The following UGT3A1 variants were observed in gnomAD, a reference collection of about 807,000 sequenced individuals.
The protein encoded by UGT3A1 is UDP-glycosyltransferase 3A1.
Under a neutral mutation model 37.6 loss-of-function variants are expected in UGT3A1, and 40 were observed. That is an observed-to-expected ratio of 1.06 (90% CI 0.83 to 1.38). The LOEUF (loss-of-function observed/expected upper bound fraction) is 1.38. Among genes scored for constraint, UGT3A1 ranks in the 40% most tolerant of loss-of-function variants. The pLI is 0.00. For missense variants in UGT3A1, 642 were observed against 634.2 expected, an observed-to-expected ratio of 1.01 and a Z score of -0.13; for synonymous variants, 256 against 232.3, an observed-to-expected ratio of 1.10 and a Z score of -0.93.
chr5:35,989,204 A>G (rs1463238422), intron 1 of UGT3A1, among the ~76,000 whole-genome samples: 4 of 152,210 alleles, frequency 2.6e-5, no homozygotes, highest in African/African-American at 9.6e-5. Context: ...ACAACTGTGG[A>G]GCCCTTGGGG....
Position 35,965,723 on chromosome 5 carries a change from G to A in UGT3A1, c.506C>T (p.Thr169Ile), listed in dbSNP as rs1739779730. The change falls in exon 4 of 7, where the codon ACA (threonine) becomes ATA (isoleucine). Residue 169 changes from threonine to isoleucine, a missense_variant. By Grantham distance (89) the Thr-to-Ile change is moderately conservative. Transcript: ENST00000274278. ...VKPFVAILPTTFGSLDFGLPS... is the reference protein window; with the variant it reads ...VKPFVAILPTIFGSLDFGLPS... Reference sequence around the variant, plus strand: ...TAGCCCAAAATCCAAAGAGCCGAATGTGGTGGGAAGAATGGCCACAAATGG... The same window carrying A: ...TAGCCCAAAATCCAAAGAGCCGAATATGGTGGGAAGAATGGCCACAAATGG... 6.2e-7 allele frequency: 1 copy of A among 1,614,244 alleles called. No homozygotes were observed. Among genetic ancestry groups the A allele is most frequent in the Non-Finnish European group, 8.5e-7 (1 of 1,180,042 alleles).
At chr5:35,981,021 G>A (rs975009808) in intron 2 of UGT3A1, among the ~76,000 whole-genome samples, 1 of 152,162 alleles carries the variant, frequency 6.6e-6, no homozygotes, top group African/African-American at 2.4e-5. Flanking sequence ...TTTCTGGTCA[G>A]GAGAAGAAAA....
chr5:35,969,743 A>G (rs1416805313), intron 2 of UGT3A1, among the ~76,000 whole-genome samples: 4 of 152,172 alleles, frequency 2.6e-5, no homozygotes, highest in Non-Finnish European at 5.9e-5. Context: ...AATAACCTTA[A>G]TCAACAATTG....
At position 35,953,953 on chromosome 5, in the gene UGT3A1, A is replaced by C. The variant is rs1012991980; in HGVS notation, c.*249T>G. On this transcript the variant is annotated 3_prime_UTR_variant, in exon 7 of 7. Transcript: ENST00000274278. ...GAGTCCTGTGTCTAGGAAAAGGGAG[A>C]AAGGAGGAGGCAGGGCTGGCAGGTG... 8 of 460,350 alleles carry C rather than the reference A, an allele frequency of 1.7e-5. No individual in the cohort carries two copies. Among genetic ancestry groups the C allele is most frequent in the Non-Finnish European group, 3.1e-5 (8 of 256,222 alleles). The allele number at this position is 460,350 out of a possible 1,614,324, so 28.5% of individuals were successfully genotyped here.
chr5:35,965,054 T>C (rs1739742897), intron 4 of UGT3A1, among the ~76,000 whole-genome samples: 1 of 152,256 alleles, frequency 6.6e-6, no homozygotes, highest in Admixed American at 6.5e-5. Context: ...TAATGGGCAC[T>C]AACTACGTAT....
intron 2 of UGT3A1, among the ~76,000 whole-genome samples, chr5:35,970,390 C>CA (rs56062143): frequency 0.013 from 1,752 of 131,896 alleles, 33 homozygotes; most frequent in South Asian, 0.058. Flanking sequence ...GACTCCATCT[C>CA]AAAAAAAAAA....
At position 35,965,491 on chromosome 5, in the gene UGT3A1, C is replaced by T. The variant is rs773952661; in HGVS notation, c.738G>A (p.Leu246=). Residue 246 remains leucine, a synonymous_variant, in exon 4 of 7, where the codon TTG becomes TTA. Transcript: ENST00000274278. ...VLSHLLLKAE[L]WFVNSDFAFD... is the part of the protein sequence containing the mutation. Reference sequence around the variant, plus strand: ...AGGCAAAATCAGAGTTAACAAACCACAACTCTGCTTTCAGTAGAAGATGAG... The same window carrying T: ...AGGCAAAATCAGAGTTAACAAACCATAACTCTGCTTTCAGTAGAAGATGAG... 1.3e-5 allele frequency: 21 copies of T among 1,614,220 alleles called. No individual in the cohort carries two copies. The Middle Eastern group carries it at 1.5e-3, about 114-fold the overall frequency.
rs553521981 is a variant in UGT3A1 at position 35,966,063 on chromosome 5, C to T, written c.312-146G>A. On this transcript the variant is annotated intron_variant, in intron 3 of 6. Transcript: ENST00000274278. Reference sequence around the variant, plus strand: ...CCATTCTACAATGTTTCAACAAATACTCTCAGCTCTGGTCACTCTGGTCCA... The same window carrying T: ...CCATTCTACAATGTTTCAACAAATATTCTCAGCTCTGGTCACTCTGGTCCA... 2.5e-5 allele frequency: 16 copies of T among 637,878 alleles called. No homozygotes were observed. In the East Asian group the frequency reaches 4.8e-4, roughly 19 times the overall value. 39.5% of individuals were successfully genotyped at this position (637,878 alleles called of 1,614,324 possible). A position where few individuals can be genotyped will look rare whatever the true frequency, so the allele number is the denominator to read the frequency against.
intron 1 of UGT3A1, among the ~76,000 whole-genome samples, chr5:35,997,796 C>T (rs4616927): frequency 0.36 from 54,952 of 152,122 alleles, 10,046 homozygotes; most frequent in South Asian, 0.55. Context: ...TGTTCAGACA[C>T]ACTGTCTTCC....
chr5:35,964,366 G>T (rs1033717829), intron 4 of UGT3A1, among the ~76,000 whole-genome samples: 3 of 151,856 alleles, frequency 2.0e-5, no homozygotes, highest in Admixed American at 2.0e-4. Context: ...CAGTGCTATG[G>T]CCATCTCACT....
intron 2 of UGT3A1, among the ~76,000 whole-genome samples, chr5:35,971,293 C>T (rs1740026423): frequency 6.6e-6 from 1 of 152,128 alleles, no homozygotes; most frequent in Non-Finnish European, 1.5e-5. Context: ...AGGGATGTGC[C>T]ATTGCCACAC....
At chr5:35,965,333 T>C (rs903322076) in intron 4 of UGT3A1, 53 bp downstream of exon 4, 1 of 1,567,236 alleles carries the variant, frequency 6.4e-7, no homozygotes, top group Non-Finnish European at 8.6e-7. Context: ...CCACCAACTA[T>C]GCACCCAAGG....
intron 5 of UGT3A1, among the ~76,000 whole-genome samples, chr5:35,956,607 G>C (rs1739365741): frequency 6.6e-6 from 1 of 152,168 alleles, no homozygotes; most frequent in South Asian, 2.1e-4. Flanking sequence ...AAGGAGCTCT[G>C]TTACCAAATG....
intron 5 of UGT3A1, 54 bp from the exon 6 acceptor site, chr5:35,955,918 A>C (rs1201094217): frequency 1.3e-6 from 2 of 1,574,590 alleles, no homozygotes; most frequent in Non-Finnish European, 1.7e-6. Context: ...ATTTTGGAAT[A>C]CCAGGTAAAG....
rs1189255786 is a variant in UGT3A1, at chr5:35,955,862, G to A, written c.1078C>T (p.His360Tyr). The change falls in exon 6 of 7, where the codon CAC (histidine) becomes TAC (tyrosine). Residue 360 changes from histidine (H) to tyrosine (Y), a missense_variant and splice_region_variant. His to Tyr is a moderately conservative substitution (Grantham distance 83). Coordinates refer to ENST00000274278, the MANE Select transcript of UGT3A1 (RefSeq NM_152404.4). ...GTGACAAAAAGACGGATGCTGGGGT[G>A]AGCTGTGGCAAATAAGAAAGAGAGT... ...DWLPQSDLLA[H>Y]PSIRLFVTHG... The A allele has an allele frequency of 4.3e-6, 7 of 1,613,712 alleles. No homozygotes were observed. Among genetic ancestry groups the A allele is most frequent in the South Asian group, 1.1e-5 (1 of 91,060 alleles).
Position 35,971,529 on chromosome 5 carries a change from A to T in UGT3A1, c.197-3396T>A, listed in dbSNP as rs530739799. Among the ~76,000 whole-genome samples, 4 of 152,128 alleles carry T rather than the reference A, an allele frequency of 2.6e-5. No homozygotes were observed. The South Asian group carries it at 8.3e-4, about 32-fold the overall frequency. The stretch of plus-strand genomic sequence containing the variant: ...TGGAAATGGTTCTAGGGCATACAGA[A>T]AAAGAAGAAATATTTATTCAAGAAA... On this transcript the variant is annotated intron_variant, in intron 2 of 6. Coordinates refer to ENST00000274278, the MANE Select transcript of UGT3A1 (RefSeq NM_152404.4).
intron 4 of UGT3A1, among the ~76,000 whole-genome samples, chr5:35,958,386 T>A (rs1739441426): frequency 1.3e-5 from 2 of 152,212 alleles, no homozygotes; most frequent in Non-Finnish European, 2.9e-5. Context: ...TGACTGTCTC[T>A]AGTCCTGAGC....
At chr5:35,956,038 C>T (rs1342261751) in intron 5 of UGT3A1, among the ~76,000 whole-genome samples, 174 bp from the exon 6 acceptor site, 4 of 152,208 alleles carry the variant, frequency 2.6e-5, no homozygotes, top group Non-Finnish European at 5.9e-5. Context: ...AAGATTCAAG[C>T]CTCCCTTTCT....
At chr5:35,989,480 C>A (rs1308481471) in intron 1 of UGT3A1, among the ~76,000 whole-genome samples, 1 of 152,130 alleles carries the variant, frequency 6.6e-6, no homozygotes, top group East Asian at 1.9e-4. Context: ...AGAAATAGTG[C>A]GCAGCTGTCT....
Sources: gnomAD v4.1 joint callset for allele counts (sites outside exome capture counted in the v4.1 genomes callset) on GRCh38, gnomAD v4.1.1 for gene constraint, MANE v1.5 for transcripts, NCBI Gene and HGNC (gene_info 2026-07-23, HGNC 2026-07-21) for gene names.